The following RORA variants were observed in gnomAD, a reference collection of about 807,000 sequenced individuals.
RORA encodes the protein nuclear receptor ROR-alpha.
Under a neutral mutation model 69.5 loss-of-function variants are expected in RORA, and 7 were observed. The observed-to-expected ratio is 0.10, with a 90% CI of 0.06 to 0.19. The LOEUF is 0.19. RORA is among the 10% of genes least tolerant of loss of function. RORA has a pLI of 1.00. For synonymous variants in RORA, 261 were observed against 240.8 expected, an observed-to-expected ratio of 1.08 and a Z score of -0.78; for missense variants, 457 against 663.0, an observed-to-expected ratio of 0.69 and a Z score of 3.41.
chr15:61,039,148 T>G (rs1482475991), intron 1 of RORA: 1 of 152,154 alleles, frequency 6.6e-6, no homozygotes, highest in Non-Finnish European at 1.5e-5. Context: ...ACAAAAGATT[T>G]TGAAACACTA....
In RORA at chr15:60,643,924, A is replaced by T. The variant is rs535307224; in HGVS notation, c.196+34733T>A. 2.6e-5 allele frequency among the ~76,000 whole-genome samples: 4 copies of T among 152,334 alleles called. No homozygotes were observed. The East Asian group carries it at 7.7e-4, about 29-fold the overall frequency. On this transcript the variant is annotated intron_variant, in intron 2 of 10. Transcript: ENST00000335670. Reference sequence around the variant, plus strand: ...CAGGACAGTGTGTGGCAGCTTGGACAGAACCTCGTGATGAGGGCTTCTCTG... The same window carrying T: ...CAGGACAGTGTGTGGCAGCTTGGACTGAACCTCGTGATGAGGGCTTCTCTG...
intron 1 of RORA, among the ~76,000 whole-genome samples, chr15:60,794,998 A>G (rs925346761): frequency 1.3e-5 from 2 of 152,146 alleles, no homozygotes; most frequent in Admixed American, 6.5e-5. Flanking sequence ...CTAAAATGCG[A>G]CACCCCTTCC....
intron 2 of RORA, chr15:60,615,077 C>A (rs1314342192): frequency 1.3e-6 from 2 of 1,585,314 alleles, no homozygotes; most frequent in Non-Finnish European, 1.7e-6. Context: ...CCCCTTTCTG[C>A]TTCCTAGAAC....
intron 1 of RORA, among the ~76,000 whole-genome samples, chr15:60,721,296 A>C (rs2140824732): frequency 6.6e-6 from 1 of 152,304 alleles, no homozygotes; most frequent in East Asian, 1.9e-4. Context: ...TGATCAGAAA[A>C]CAGTTTTGTT....
chr15:60,581,136 G>A (rs2068180854), intron 2 of RORA, among the ~76,000 whole-genome samples: 2 of 152,124 alleles, frequency 1.3e-5, no homozygotes, highest in South Asian at 2.1e-4. Flanking sequence ...GAAAACACTC[G>A]ATCCATCTTA....
At chr15:60,603,371 A>G (rs1289167198) in intron 2 of RORA, among the ~76,000 whole-genome samples, 6 of 152,212 alleles carry the variant, frequency 3.9e-5, no homozygotes, top group Non-Finnish European at 7.3e-5. Flanking sequence ...GCCATTTTGC[A>G]TTCCTATCAG....
intron 1 of RORA, among the ~76,000 whole-genome samples, chr15:60,981,213 T>C (rs2140360431): frequency 6.6e-6 from 1 of 152,238 alleles, no homozygotes; most frequent in Middle Eastern, 3.4e-3. Context: ...ATAAGTTGCT[T>C]CTCTCTTACT....
chr15:61,211,168 T>C (rs1169491353), intron 1 of RORA, among the ~76,000 whole-genome samples: 1 of 151,726 alleles, frequency 6.6e-6, no homozygotes, highest in East Asian at 1.9e-4. Flanking sequence ...GAAACAAAAA[T>C]GGGACGCTCG....
intron 1 of RORA, among the ~76,000 whole-genome samples, chr15:60,808,271 C>G (rs2072686162): frequency 6.6e-6 from 1 of 151,952 alleles, no homozygotes; most frequent in South Asian, 2.1e-4. Context: ...AGACAATTCT[C>G]AAAAGAAGAT....
At chr15:61,033,651 G>T (rs536740430) in intron 1 of RORA, among the ~76,000 whole-genome samples, 2 of 152,204 alleles carry the variant, frequency 1.3e-5, no homozygotes, top group Non-Finnish European at 2.9e-5. Flanking sequence ...TGTCCAATTT[G>T]GTCGCCACCA....
chr15:61,041,756 G>T (rs1896786232), intron 1 of RORA, among the ~76,000 whole-genome samples: 1 of 152,126 alleles, frequency 6.6e-6, no homozygotes, highest in African/African-American at 2.4e-5. Flanking sequence ...GGGAAATAGG[G>T]CTCAGAGAGG....
At chr15:60,967,144 G>A (rs978995709) in intron 1 of RORA, among the ~76,000 whole-genome samples, 7 of 152,090 alleles carry the variant, frequency 4.6e-5, no homozygotes, top group African/African-American at 1.7e-4. Flanking sequence ...ATGACTTTAA[G>A]TCCTTGCTAT....
At chr15:60,821,015 C>T (rs341373) in intron 1 of RORA, among the ~76,000 whole-genome samples, 40,503 of 146,632 alleles carry the variant, frequency 0.28, 5,801 homozygotes, top group Admixed American at 0.37. Flanking sequence ...AAGGGAACAC[C>T]ACCAGGAACT....
chr15:60,785,791 T>C (rs576598164), intron 1 of RORA, among the ~76,000 whole-genome samples: 2 of 152,224 alleles, frequency 1.3e-5, no homozygotes, highest in Non-Finnish European at 2.9e-5. Flanking sequence ...CTCCCCTCCA[T>C]ATTGAGGCTA....
At chr15:60,712,471 T>C (rs1191912305) in intron 1 of RORA, among the ~76,000 whole-genome samples, 1 of 152,218 alleles carries the variant, frequency 6.6e-6, no homozygotes, top group Non-Finnish European at 1.5e-5. Flanking sequence ...TAAGGTCATG[T>C]GTCAGTTGCC....
chr15:60,696,154 T>C (rs1192133547), intron 1 of RORA, among the ~76,000 whole-genome samples: 1 of 152,230 alleles, frequency 6.6e-6, no homozygotes, highest in African/African-American at 2.4e-5. Flanking sequence ...TTTCTTTTCC[T>C]CACGGTGACA....
rs1349726624 is a variant in RORA at position 60,497,031 on chromosome 15, G to A, written c.*424C>T. The A allele has an allele frequency of 6.4e-6, 1 of 155,238 alleles. No individual in the cohort carries two copies. Among genetic ancestry groups the A allele is most frequent in the Non-Finnish European group, 1.4e-5 (1 of 70,146 alleles). 9.6% of individuals were successfully genotyped at this position (155,238 alleles called of 1,614,324 possible). On this transcript the variant is annotated 3_prime_UTR_variant, in exon 11 of 11. Transcript: ENST00000335670. ...TCCTTCATGAAACAAAGAGCTAGTT[G>A]TGCAAAGTAATGCCGCAACCTCCGC...
intron 1 of RORA, among the ~76,000 whole-genome samples, chr15:61,059,787 C>T (rs547614020): frequency 9.5e-4 from 145 of 151,864 alleles, no homozygotes; most frequent in Non-Finnish European, 1.6e-3. Flanking sequence ...TCAAAGTTCC[C>T]GTTTTGGCAG....
At chr15:60,704,537 G>A (rs1474692129) in intron 1 of RORA, among the ~76,000 whole-genome samples, 1 of 152,212 alleles carries the variant, frequency 6.6e-6, no homozygotes, top group Non-Finnish European at 1.5e-5. Context: ...ACTGTTCACA[G>A]TATTTGGCTA....
Sources: gnomAD v4.1 joint callset for allele counts (sites outside exome capture counted in the v4.1 genomes callset) on GRCh38, gnomAD v4.1.1 for gene constraint, MANE v1.5 for transcripts, NCBI Gene and HGNC (gene_info 2026-07-23, HGNC 2026-07-21) for gene names.